Variants in HPSE2 observed in about 807,000 individuals in gnomAD.
The protein encoded by HPSE2 is heparanase 2 (inactive).
In HPSE2, 38 loss-of-function variants were observed where a neutral mutation model predicts 60.5. The observed-to-expected ratio is 0.63, with a 90% CI of 0.48 to 0.82. The LOEUF is 0.82. Among genes scored for constraint, HPSE2 ranks in the 40% least tolerant of loss-of-function variants. The pLI is 0.00. For missense variants in HPSE2, 713 were observed against 740.4 expected, an observed-to-expected ratio of 0.96 and a Z score of 0.43; for synonymous variants, 295 against 293.2, an observed-to-expected ratio of 1.01 and a Z score of -0.06.
At chr10:98,493,444 G>C (rs913936675) in intron 9 of HPSE2, among the ~76,000 whole-genome samples, 4 of 151,960 alleles carry the variant, frequency 2.6e-5, no homozygotes. Flanking sequence ...TTTCAATTCT[G>C]GCAACTTTCA....
At chr10:98,792,489 C>T (rs1001316126) in intron 3 of HPSE2, among the ~76,000 whole-genome samples, 1 of 152,114 alleles carries the variant, frequency 6.6e-6, no homozygotes, top group African/African-American at 2.4e-5. Flanking sequence ...GTGGCTAGAC[C>T]TCCATGGGGA....
chr10:98,979,352 T>C (rs1482441064), intron 3 of HPSE2, among the ~76,000 whole-genome samples: 1 of 152,086 alleles, frequency 6.6e-6, no homozygotes, highest in African/African-American at 2.4e-5. Context: ...ATAATGAAGC[T>C]ATGGAAAAGA....
chr10:98,799,215 G>A, intron 3 of HPSE2, among the ~76,000 whole-genome samples: 1 of 152,090 alleles, frequency 6.6e-6, no homozygotes, highest in East Asian at 1.9e-4. Flanking sequence ...AATGATAAAG[G>A]GGTCAATTCT....
intron 9 of HPSE2, among the ~76,000 whole-genome samples, chr10:98,510,914 T>C (rs560398315): frequency 2.8e-4 from 42 of 152,310 alleles, no homozygotes; most frequent in African/African-American, 1.0e-3. Context: ...GAAATTATTT[T>C]TTATAGCTGG....
chr10:99,065,401 G>A (rs1842581542), intron 3 of HPSE2, among the ~76,000 whole-genome samples: 2 of 151,428 alleles, frequency 1.3e-5, no homozygotes, highest in Non-Finnish European at 2.9e-5. Context: ...GAAAGGATGT[G>A]AAAAACAAAT....
chr10:99,036,293 A>C (rs1284658325), intron 3 of HPSE2, among the ~76,000 whole-genome samples: 2 of 152,148 alleles, frequency 1.3e-5, no homozygotes, highest in African/African-American at 4.8e-5. Context: ...TTAGAGAAAT[A>C]GTTAATTCCA....
the HPSE2 span, among the ~76,000 whole-genome samples, chr10:99,295,250 C>T: frequency 1.3e-5 from 2 of 151,978 alleles, no homozygotes; most frequent in African/African-American, 4.8e-5. Flanking sequence ...TTGACGTACC[C>T]AAATTAAGAT....
intron 9 of HPSE2, among the ~76,000 whole-genome samples, chr10:98,571,646 A>C (rs111333977): frequency 3.4e-4 from 46 of 135,600 alleles, no homozygotes; most frequent in African/African-American, 1.2e-3. Flanking sequence ...CAGATACTGG[A>C]CTCCAATTTC....
intron 3 of HPSE2, among the ~76,000 whole-genome samples, chr10:98,892,019 C>A (rs372368571): frequency 6.6e-6 from 1 of 152,166 alleles, no homozygotes; most frequent in Non-Finnish European, 1.5e-5. Context: ...GATCTGCCCA[C>A]CTCAGCCTCC....
intron 4 of HPSE2, among the ~76,000 whole-genome samples, chr10:98,742,944 T>C (rs1015431349): frequency 2.0e-5 from 3 of 151,202 alleles, no homozygotes; most frequent in Admixed American, 6.6e-5. Flanking sequence ...AAACCAAGAA[T>C]GGGTCTCTTC....
chr10:98,617,750 C>T (rs933298789), intron 8 of HPSE2, among the ~76,000 whole-genome samples: 10 of 152,208 alleles, frequency 6.6e-5, no homozygotes, highest in Non-Finnish European at 1.3e-4. Flanking sequence ...TTATTTTCCA[C>T]TCCACTAAAG....
chr10:98,983,779 G>A (rs1040303650), intron 3 of HPSE2, among the ~76,000 whole-genome samples: 6 of 152,162 alleles, frequency 3.9e-5, no homozygotes, highest in South Asian at 2.1e-4. Flanking sequence ...CTGGAAAATC[G>A]GGTCACTCCC....
At chr10:99,224,654 C>T (rs1849413709) in intron 2 of HPSE2, among the ~76,000 whole-genome samples, 1 of 152,054 alleles carries the variant, frequency 6.6e-6, no homozygotes, top group African/African-American at 2.4e-5. Flanking sequence ...AAAGAAACTG[C>T]TTTTCTTCCA....
chr10:99,064,183 G>A (rs554561695), intron 3 of HPSE2, among the ~76,000 whole-genome samples: 7 of 152,278 alleles, frequency 4.6e-5, no homozygotes, highest in African/African-American at 7.2e-5. Context: ...GATAACAAGA[G>A]TTGGGGTAGG....
chr10:99,017,507 C>T (rs1957169218), intron 3 of HPSE2, among the ~76,000 whole-genome samples: 1 of 152,054 alleles, frequency 6.6e-6, no homozygotes, highest in Admixed American at 6.5e-5. Flanking sequence ...GGATCTCTGC[C>T]AGGTTTTGGT....
the HPSE2 span, among the ~76,000 whole-genome samples, chr10:99,304,207 A>G: frequency 2.0e-5 from 3 of 152,216 alleles, no homozygotes; most frequent in Admixed American, 6.5e-5. Context: ...GCAACTTTCA[A>G]TCAGACATGC....
intron 9 of HPSE2, among the ~76,000 whole-genome samples, chr10:98,518,732 A>G (rs1216036146): frequency 6.6e-6 from 1 of 151,516 alleles, no homozygotes; most frequent in African/African-American, 2.4e-5. Flanking sequence ...AAAAGATGAT[A>G]CTTTAGCCTA....
At chr10:99,142,587 G>A (rs137864779) in intron 3 of HPSE2, among the ~76,000 whole-genome samples, 22 of 152,322 alleles carry the variant, frequency 1.4e-4, no homozygotes, top group African/African-American at 4.3e-4. Flanking sequence ...TAGGAGAAGT[G>A]AGAGCAGGAA....
At chr10:98,477,581 G>A (rs988957498) in intron 11 of HPSE2, among the ~76,000 whole-genome samples, 13 of 152,228 alleles carry the variant, frequency 8.5e-5, no homozygotes, top group Non-Finnish European at 1.5e-4. Flanking sequence ...ACATAAGGGA[G>A]AACACTGGGA....
Sources: gnomAD v4.1 joint callset for allele counts (sites outside exome capture counted in the v4.1 genomes callset) on GRCh38, gnomAD v4.1.1 for gene constraint, MANE v1.5 for transcripts, NCBI Gene and HGNC (gene_info 2026-07-23, HGNC 2026-07-21) for gene names.